The following SOBP variants were observed in gnomAD, a reference collection of about 807,000 sequenced individuals.
SOBP encodes the protein sine oculis-binding protein homolog.
In SOBP, 4 loss-of-function variants were observed where a neutral mutation model predicts 53.6. The observed-to-expected ratio is 0.07, with a 90% CI of 0.04 to 0.17. The LOEUF is 0.17. SOBP is among the 10% of genes least tolerant of loss of function. SOBP has a pLI of 1.00. For missense variants in SOBP, 1,088 were observed against 1,204.7 expected (o/e 0.90, Z 1.43); for synonymous variants, 584 against 522.6 (o/e 1.12, Z -1.60).
Position 107,584,681 on chromosome 6 carries a change from A to G in SOBP, c.574-2399A>G, listed in dbSNP as rs112132853. ...CTGTCTCCACTTCCGAATCTCTTCA[A>G]TCCCCCTCTCCTTTCTCTTCCACTG... On this transcript the variant is annotated intron_variant, in intron 4 of 6. Coordinates refer to ENST00000317357, the MANE Select transcript of SOBP (RefSeq NM_018013.4). Among the ~76,000 whole-genome samples the G allele has an allele frequency of 1.4e-4, 21 of 152,268 alleles. 1 individual carries two copies. The highest frequency in any genetic ancestry group is 4.8e-4 in the African/African-American group (20 of 41,552).
At chr6:107,613,715 T>C (rs1433769757) in intron 5 of SOBP, among the ~76,000 whole-genome samples, 1 of 152,216 alleles carries the variant, frequency 6.6e-6, no homozygotes, top group Non-Finnish European at 1.5e-5. Flanking sequence ...TTTATTGCAG[T>C]TTTACAGCTA....
Position 107,633,968 on chromosome 6 carries a change from C to T in SOBP, c.1124C>T (p.Pro375Leu). The change falls in exon 6 of 7, where the codon CCC becomes CTC. Residue 375 changes from proline (P) to leucine (L), a missense_variant. Around this residue, in one of 6 missense-constraint regions of SOBP, gnomAD observed 211 missense variants for 258.9 expected, o/e 0.82. Coordinates refer to ENST00000317357, the MANE Select transcript of SOBP (RefSeq NM_018013.4). The part of the protein sequence containing the change: ...SVQPPASIGP[P>L]LGVPPRSPPM... ...CAGCCACCTGCTAGCATCGGGCCTC[C>T]CCTTGGCGTCCCGCCTCGGAGCCCT... The T allele has an allele frequency of 6.2e-7, 1 of 1,614,178 alleles. No homozygotes were observed. Among genetic ancestry groups the T allele is most frequent in the African/African-American group, 1.3e-5 (1 of 75,078 alleles).
chr6:107,654,306 C>G (rs906085056), intron 6 of SOBP, among the ~76,000 whole-genome samples: 2 of 152,156 alleles, frequency 1.3e-5, no homozygotes, highest in African/African-American at 4.8e-5. Context: ...GTGTCTGATG[C>G]TTCATGTAGC....
Position 107,634,800 on chromosome 6 carries a change from C to A in SOBP, c.1956C>A (p.Gly652=). Residue 652 remains glycine (G), a synonymous_variant, in exon 6 of 7, where the codon GGC becomes GGA. Coordinates refer to ENST00000317357, the MANE Select transcript of SOBP (RefSeq NM_018013.4). The surrounding 1 kb of genome is among the most constrained non-coding windows in gnomAD (Gnocchi z 4.5). ...GCGTGCTGCAGGGCCCGCAGGACGG[C>A]GTCATCGACCTGACCGTGGGCCACC... is the stretch of plus-strand genomic sequence containing the variant. ...FPGVLQGPQD[G]VIDLTVGHRA... 1.4e-6 allele frequency: 2 copies of A among 1,400,898 alleles called. No individual in the cohort carries two copies. The highest frequency in any genetic ancestry group is 1.5e-5 in the African/African-American group (1 of 66,860). 86.8% of individuals were successfully genotyped at this position (1,400,898 alleles called of 1,614,324 possible).
At chr6:107,580,915 A>T (rs750005506) in intron 4 of SOBP, among the ~76,000 whole-genome samples, 10 of 151,996 alleles carry the variant, frequency 6.6e-5, no homozygotes, top group Non-Finnish European at 1.3e-4. Context: ...TATGGAGAAG[A>T]CTCCTGAGGT....
chr6:107,521,700 T>C (rs1041186285), intron 3 of SOBP, among the ~76,000 whole-genome samples: 1 of 152,192 alleles, frequency 6.6e-6, no homozygotes, highest in African/African-American at 2.4e-5. Context: ...CATATACACA[T>C]TTGTGTTGAG....
intron 4 of SOBP, among the ~76,000 whole-genome samples, chr6:107,579,528 T>A (rs1346768232): frequency 6.6e-6 from 1 of 152,182 alleles, no homozygotes; most frequent in East Asian, 1.9e-4. Context: ...ACATGATATA[T>A]TTTAGTTCAT....
At chr6:107,598,407 G>A (rs186345692) in intron 5 of SOBP, among the ~76,000 whole-genome samples, 11 of 152,308 alleles carry the variant, frequency 7.2e-5, no homozygotes, top group South Asian at 2.1e-4. Context: ...GGTGCGTAGC[G>A]ATGGAAGGGC....
At chr6:107,529,466 T>TG (rs1052322603) in intron 3 of SOBP, 2 of 985,298 alleles carry the variant, frequency 2.0e-6, no homozygotes, top group African/African-American at 3.5e-5. Context: ...TAGGAACTGT[T>TG]GGAGGAGATA....
At chr6:107,567,092 A>G (rs1784940451) in intron 4 of SOBP, among the ~76,000 whole-genome samples, 1 of 152,246 alleles carries the variant, frequency 6.6e-6, no homozygotes, top group Non-Finnish European at 1.5e-5. Context: ...ATCAAGGGTG[A>G]TCAAAAGTGC....
At position 107,509,065 on chromosome 6, in the gene SOBP, C is replaced by G. The variant is rs76301422; in HGVS notation, c.421+2638C>G. ...TCATCTGTAAAATGGGGATCCCAGC[C>G]CTACCTCATGTGGTTGTTGTGGAGA... On this transcript the variant is annotated intron_variant, in intron 3 of 6. Coordinates refer to ENST00000317357, the MANE Select transcript of SOBP (RefSeq NM_018013.4). Among the ~76,000 whole-genome samples, 933 of 152,234 alleles carry G rather than the reference C, an allele frequency of 6.1e-3. 14 individuals carry two copies. The highest frequency in any genetic ancestry group is 0.021 in the African/African-American group (892 of 41,528).
chr6:107,627,510 G>A (rs1770514844), intron 5 of SOBP, among the ~76,000 whole-genome samples: 1 of 152,048 alleles, frequency 6.6e-6, no homozygotes, highest in African/African-American at 2.4e-5. Flanking sequence ...GTTCCTACAG[G>A]GCAGTTTTCT....
intron 3 of SOBP, among the ~76,000 whole-genome samples, chr6:107,515,978 G>A (rs888646667): frequency 1.6e-4 from 25 of 152,008 alleles, no homozygotes; most frequent in African/African-American, 5.6e-4. Context: ...ACAGAATAAA[G>A]TAATAGCTGC....
At chr6:107,506,887 G>A (rs533973343) in intron 3 of SOBP, among the ~76,000 whole-genome samples, 1 of 151,956 alleles carries the variant, frequency 6.6e-6, no homozygotes, top group African/African-American at 2.4e-5. Context: ...GAAACCCCAT[G>A]TCTACTAAAA....
chr6:107,658,123 C>G (rs1772144037), intron 6 of SOBP, 84 bp from the exon 7 acceptor site: 2 of 152,950 alleles, frequency 1.3e-5, no homozygotes, highest in South Asian at 4.1e-4. Flanking sequence ...TGCTGTCTGA[C>G]TCATGCCTGG....
At chr6:107,625,998 T>A (rs966974104) in intron 5 of SOBP, among the ~76,000 whole-genome samples, 1 of 152,040 alleles carries the variant, frequency 6.6e-6, no homozygotes, top group African/African-American at 2.4e-5. Flanking sequence ...ACTCTTATAG[T>A]CACAAATAAT....
intron 5 of SOBP, among the ~76,000 whole-genome samples, chr6:107,617,081 C>T (rs1340210760): frequency 1.3e-5 from 2 of 152,118 alleles, no homozygotes; most frequent in African/African-American, 4.8e-5. Context: ...CAGGGTTCAC[C>T]CGCACACCTA....
intron 4 of SOBP, among the ~76,000 whole-genome samples, chr6:107,581,750 C>T (rs1785408285): frequency 6.6e-6 from 1 of 152,150 alleles, no homozygotes; most frequent in South Asian, 2.1e-4. Flanking sequence ...ACCTTGAATT[C>T]GAAAATAAAC....
chr6:107,552,447 A>G (rs1170196506), intron 4 of SOBP, among the ~76,000 whole-genome samples: 1 of 152,174 alleles, frequency 6.6e-6, no homozygotes, highest in African/African-American at 2.4e-5. Context: ...GTTGTTGGGG[A>G]GGACCAAGGG....
Sources: allele counts gnomAD v4.1 joint callset (sites outside exome capture counted in the v4.1 genomes callset), GRCh38; gene constraint gnomAD v4.1.1; regional missense constraint gnomAD v4.1.1; non-coding constraint Gnocchi (gnomAD v3.1); transcripts MANE v1.5; gene names NCBI Gene and HGNC (gene_info 2026-07-23, HGNC 2026-07-21).